Variants in NAALADL2 observed in about 807,000 individuals in gnomAD.
NAALADL2 encodes N-acetylated alpha-linked acidic dipeptidase like 2.
In NAALADL2, 76 loss-of-function variants were observed where a neutral mutation model predicts 87.2. The observed-to-expected ratio is 0.87, with a 90% CI of 0.72 to 1.05. The LOEUF is 1.05. Among genes scored for constraint, NAALADL2 ranks in the 50% least tolerant of loss-of-function variants. NAALADL2 has a pLI of 0.00. For synonymous variants in NAALADL2, 354 were observed against 331.0 expected (o/e 1.07, Z -0.75); for missense variants, 1,089 against 945.8 (o/e 1.15, Z -1.99).
At chr3:175,615,789 G>T (rs1452293956) in intron 10 of NAALADL2, among the ~76,000 whole-genome samples, 1 of 151,080 alleles carries the variant, frequency 6.6e-6, no homozygotes, top group Non-Finnish European at 1.5e-5. Flanking sequence ...CTCAGGATGC[G>T]GTGGGTGCAG....
chr3:175,371,119 A>G (rs960966862), intron 5 of NAALADL2, among the ~76,000 whole-genome samples: 5 of 152,168 alleles, frequency 3.3e-5, no homozygotes, highest in Non-Finnish European at 7.4e-5. Flanking sequence ...CAAAATTTCA[A>G]ATTATACTAT....
chr3:175,631,496 T>C lies in NAALADL2; in HGVS notation c.1896+4110T>C, dbSNP rs73881318. 3.5e-3 allele frequency among the ~76,000 whole-genome samples: 535 copies of C among 151,780 alleles called. 3 individuals are homozygous for C. The highest frequency in any genetic ancestry group is 0.012 in the African/African-American group (497 of 41,458). On this transcript the variant is annotated intron_variant, in intron 11 of 13. Transcript: ENST00000454872. Reference sequence around the variant, plus strand: ...GTTTGAATTTGTCTTGGCACTTGTCTTTTTGATATAAAGCATGAAACCTAA... The same window carrying C: ...GTTTGAATTTGTCTTGGCACTTGTCCTTTTGATATAAAGCATGAAACCTAA...
chr3:174,585,087 G>C (rs1381779258), intron 2 of NAALADL2, among the ~76,000 whole-genome samples: 1 of 152,002 alleles, frequency 6.6e-6, no homozygotes, highest in Non-Finnish European at 1.5e-5. Context: ...TTCTGAAATT[G>C]GCTGTTACTC....
At chr3:175,569,997 G>A (rs1717800414) in intron 9 of NAALADL2, among the ~76,000 whole-genome samples, 1 of 152,180 alleles carries the variant, frequency 6.6e-6, no homozygotes, top group Non-Finnish European at 1.5e-5. Context: ...CAAGCCCAGA[G>A]ATCTGCGGTT....
chr3:174,488,826 A>AC (rs541028099), intron 1 of NAALADL2, among the ~76,000 whole-genome samples: 7 of 151,618 alleles, frequency 4.6e-5, no homozygotes, highest in African/African-American at 7.3e-5. Flanking sequence ...AGCCACAGAC[A>AC]CCCCCCCTAA....
intron 2 of NAALADL2, among the ~76,000 whole-genome samples, chr3:174,684,954 C>T (rs1346526848): frequency 6.6e-6 from 1 of 152,090 alleles, no homozygotes; most frequent in African/African-American, 2.4e-5. Context: ...TGTCCTCATT[C>T]ATCTTCTTGT....
chr3:175,228,189 T>A (rs571822125), intron 2 of NAALADL2, among the ~76,000 whole-genome samples: 54 of 152,074 alleles, frequency 3.6e-4, no homozygotes, highest in Non-Finnish European at 6.2e-4. Flanking sequence ...AATAATCTAA[T>A]CTCTAATTGG....
At chr3:174,962,371 C>CATAGTCACTATGACATAT (rs1742148277) in intron 1 of NAALADL2, among the ~76,000 whole-genome samples, 1 of 75,744 alleles carries the variant, frequency 1.3e-5, no homozygotes, top group Non-Finnish European at 2.7e-5. Context: ...GTGACTATGA[C>CATAGTCACTATGACATAT]ATATATATAT....
intron 1 of NAALADL2, among the ~76,000 whole-genome samples, chr3:174,513,904 G>A (rs542166128): frequency 6.6e-6 from 1 of 152,256 alleles, no homozygotes; most frequent in Non-Finnish European, 1.5e-5. Context: ...TCAGCGTCAT[G>A]TCTTGCCTTT....
intron 9 of NAALADL2, among the ~76,000 whole-genome samples, chr3:175,496,027 G>A (rs1455878886): frequency 1.3e-5 from 2 of 152,064 alleles, no homozygotes; most frequent in South Asian, 2.1e-4. Flanking sequence ...CTACTCTAAT[G>A]TGACAAAACA....
At chr3:174,825,931 G>A (rs1172614160) in intron 3 of NAALADL2, among the ~76,000 whole-genome samples, 1 of 152,216 alleles carries the variant, frequency 6.6e-6, no homozygotes, top group Middle Eastern at 3.4e-3. Flanking sequence ...GGAGGCTGAG[G>A]CAGGAGAATG....
intron 9 of NAALADL2, among the ~76,000 whole-genome samples, chr3:175,490,553 G>GTT (rs74948956): frequency 0.038 from 5,256 of 138,276 alleles, 234 homozygotes; most frequent in East Asian, 0.14. Context: ...CGCCTGGCTA[G>GTT]TTTTTTTTTT....
At chr3:175,752,776 G>A (rs915075176) in intron 12 of NAALADL2, among the ~76,000 whole-genome samples, 1 of 152,020 alleles carries the variant, frequency 6.6e-6, no homozygotes, top group Non-Finnish European at 1.5e-5. Context: ...CACTTGATTC[G>A]GTAGTAATGT....
chr3:175,654,759 T>C (rs111552236), intron 11 of NAALADL2, among the ~76,000 whole-genome samples: 2,078 of 152,284 alleles, frequency 0.014, 53 homozygotes, highest in African/African-American at 0.048. Flanking sequence ...ACAGGCTTCA[T>C]TGTGTGATAC....
intron 2 of NAALADL2, among the ~76,000 whole-genome samples, chr3:175,174,209 A>C (rs540055462): frequency 6.6e-6 from 1 of 152,212 alleles, no homozygotes; most frequent in East Asian, 1.9e-4. Context: ...ATATTTTAAA[A>C]CCTTTCTTAG....
intron 5 of NAALADL2, among the ~76,000 whole-genome samples, chr3:175,324,942 A>G (rs1271750105): frequency 6.6e-6 from 1 of 152,148 alleles, no homozygotes; most frequent in African/African-American, 2.4e-5. Flanking sequence ...AGAGAAAACA[A>G]TGGTGATTTT....
intron 9 of NAALADL2, among the ~76,000 whole-genome samples, chr3:175,509,358 C>T (rs2149389663): frequency 6.6e-6 from 1 of 152,268 alleles, no homozygotes; most frequent in East Asian, 1.9e-4. Context: ...ACATATTTTG[C>T]CCTGTAGGGC....
At chr3:175,044,117 T>C (rs1159937753) in intron 1 of NAALADL2, among the ~76,000 whole-genome samples, 1 of 152,200 alleles carries the variant, frequency 6.6e-6, no homozygotes, top group Non-Finnish European at 1.5e-5. Context: ...TCTTATTCTT[T>C]TTGATGCTAT....
intron 1 of NAALADL2, among the ~76,000 whole-genome samples, chr3:175,000,390 T>G (rs1325696964): frequency 6.6e-6 from 1 of 152,178 alleles, no homozygotes; most frequent in African/African-American, 2.4e-5. Context: ...AAGGGCCAGA[T>G]AGTAAATATT....
Sources: gnomAD v4.1 joint callset for allele counts (sites outside exome capture counted in the v4.1 genomes callset) on GRCh38, gnomAD v4.1.1 for gene constraint, MANE v1.5 for transcripts, NCBI Gene and HGNC (gene_info 2026-07-23, HGNC 2026-07-21) for gene names.